The following CHD4 variants were observed in gnomAD, a reference collection of about 807,000 sequenced individuals.
The protein encoded by CHD4 is chromodomain helicase DNA binding protein 4, also known as ATP-dependent chromatin remodeler CHD4.
A neutral mutation model predicts 235.5 loss-of-function variants in CHD4; 35 were observed. The ratio of observed to expected loss-of-function variants is 0.15; its 90% CI spans 0.11 to 0.20. The LOEUF (loss-of-function observed/expected upper bound fraction) is 0.20. Ranked by LOEUF, CHD4 falls within the 10% of genes least tolerant of loss-of-function variation. The probability of loss-of-function intolerance (pLI) is 1.00; values close to 1 mark genes in which losing one functional copy is unlikely to be tolerated. For synonymous variants in CHD4, 900 were observed against 850.2 expected, an observed-to-expected ratio of 1.06 and a Z score of -1.02; for missense variants, 1,329 against 2,432.3, an observed-to-expected ratio of 0.55 and a Z score of 9.54.
intron 10 of CHD4, among the ~76,000 whole-genome samples, chr12:6,599,151 G>A (rs1276826696): frequency 2.0e-5 from 3 of 152,168 alleles, no homozygotes; most frequent in African/African-American, 7.2e-5. Context: ...ATTCTAAACT[G>A]GCTGGCATGG....
At position 6,591,453 on chromosome 12, in the gene CHD4, C is replaced by A; in HGVS notation, c.3340+13G>T. The A allele has an allele frequency of 6.2e-7, 1 of 1,604,148 alleles. No homozygotes were observed. Among genetic ancestry groups the A allele is most frequent in the Non-Finnish European group, 8.5e-7 (1 of 1,172,266 alleles). On this transcript the variant is annotated intron_variant, in intron 22 of 39. Coordinates refer to ENST00000544040, the MANE Select transcript of CHD4 (RefSeq NM_001273.5). ...TGAGGATTCCTGAAACTAAACAACT[C>A]CTTCTCTCTCACCATTGAAGCGGTC...
At position 6,592,784 on chromosome 12, in the gene CHD4, G is replaced by A. The variant is rs1291678650; in HGVS notation, c.2686C>T (p.His896Tyr). 4 of 1,613,662 alleles carry A rather than the reference G, an allele frequency of 2.5e-6. No homozygotes were observed. The African/African-American group carries it at 5.3e-5, about 22-fold the overall frequency. ...GGTGTCCCAGTCAGCAACAGCTTGT[G>A]CTGGAGTGAGTAACCATTCAATACC... ...FRVLNGYSLQ[H>Y]KLLLTGTPLQ... is the part of the protein sequence containing the mutation. The change falls in exon 18 of 40, where the codon CAC becomes TAC. Residue 896 changes from histidine to tyrosine, a missense_variant. Around this residue, in one of 26 missense-constraint regions of CHD4, gnomAD observed 78 missense variants for 174.8 expected, o/e 0.45. Coordinates refer to ENST00000544040, the MANE Select transcript of CHD4 (RefSeq NM_001273.5).
At position 6,578,922 on chromosome 12, in the gene CHD4, G is replaced by A. The variant is rs971165858; in HGVS notation, c.4910-5C>T. On this transcript the variant is annotated splice_polypyrimidine_tract_variant and splice_region_variant and intron_variant, in intron 33 of 39. Transcript: ENST00000544040. The stretch of plus-strand genomic sequence containing the variant: ...CCTTCTCTACATCAGCAGCACCTAG[G>A]GGAAGAAATGTTATTGAGACTATAC... 2 of 1,613,556 alleles carry A rather than the reference G, an allele frequency of 1.2e-6. No individual in the cohort carries two copies. Among genetic ancestry groups the A allele is most frequent in the African/African-American group, 1.3e-5 (1 of 74,998 alleles).
In CHD4 at chr12:6,594,450, T is replaced by A; in HGVS notation, c.2313+9A>T. ...CACACAAAAAACTATCCACCCCAGA[T>A]TTCCTTACCTCCTTGTAAAGGGAAT... On this transcript the variant is annotated intron_variant, in intron 15 of 39. Transcript: ENST00000544040. The A allele has an allele frequency of 6.3e-7, 1 of 1,596,556 alleles. No homozygotes were observed. Among genetic ancestry groups the A allele is most frequent in the East Asian group, 2.2e-5 (1 of 44,612 alleles).
chr12:6,595,788 CAAA>C (rs141382153), intron 13 of CHD4, among the ~76,000 whole-genome samples: 4 of 82,510 alleles, frequency 4.8e-5, no homozygotes, highest in Admixed American at 1.5e-4. Context: ...GACTTCGTCT[CAAA>C]AAAAAAAAAA....
chr12:6,583,164 C>G, intron 26 of CHD4, 34 bp downstream of exon 26: 1 of 1,612,360 alleles, frequency 6.2e-7, no homozygotes, highest in Non-Finnish European at 8.5e-7. Context: ...AGTGGAACGG[C>G]CCATGGGTGG....
chr12:6,579,913 G>A (rs1246234388), intron 33 of CHD4, among the ~76,000 whole-genome samples: 2 of 150,472 alleles, frequency 1.3e-5, no homozygotes, highest in South Asian at 2.1e-4. Context: ...AAAATTAGCC[G>A]GGCATGGTGG....
chr12:6,603,566 C>T (rs886724823), intron 2 of CHD4, among the ~76,000 whole-genome samples: 5 of 57,820 alleles, frequency 8.6e-5, no homozygotes, highest in Non-Finnish European at 1.8e-4. Flanking sequence ...GGTGGGGTGG[C>T]GGGGGGGGAG....
intron 1 of CHD4, 87 bp from the exon 2 acceptor site, chr12:6,606,538 C>A (rs1427405870): frequency 5.9e-6 from 3 of 507,182 alleles, no homozygotes; most frequent in Non-Finnish European, 6.9e-6. Flanking sequence ...TTCCGCCCCC[C>A]ACCCCAGCCA....
chr12:6,572,969 C>T (rs1244060259), intron 38 of CHD4, 105 bp downstream of exon 38: 1 of 1,175,036 alleles, frequency 8.5e-7, no homozygotes. Flanking sequence ...CTCCTAAACT[C>T]CCAGACAAAG....
chr12:6,574,081 C>T (rs1229813465), intron 37 of CHD4, among the ~76,000 whole-genome samples: 4 of 152,110 alleles, frequency 2.6e-5, no homozygotes, highest in Admixed American at 2.6e-4. Flanking sequence ...CCTCTTATCG[C>T]CATCTCACTC....
chr12:6,575,809 C>T (rs1010598706), intron 37 of CHD4, among the ~76,000 whole-genome samples: 1 of 152,182 alleles, frequency 6.6e-6, no homozygotes, highest in Admixed American at 6.5e-5. Flanking sequence ...TCGTTCCAAC[C>T]TACCTCCCAC....
intron 2 of CHD4, among the ~76,000 whole-genome samples, chr12:6,603,679 C>G (rs1328635290): frequency 6.6e-6 from 1 of 152,076 alleles, no homozygotes; most frequent in Non-Finnish European, 1.5e-5. Context: ...ACATCCTAAG[C>G]AAGGAAACCC....
Position 6,591,546 on chromosome 12 carries a change from T to G in CHD4, c.3260A>C (p.Glu1087Ala). Residue 1087 changes from glutamate (E) to alanine (A), a missense_variant, in exon 22 of 40, where the codon GAA (glutamate) becomes GCA (alanine). Coordinates refer to ENST00000544040, the MANE Select transcript of CHD4 (RefSeq NM_001273.5). ...GCGTTCGTATTTATAACCTTCATGT[T>G]CCAAGAAATCCTCTAGCAGGTCTAG... The part of the protein sequence containing the change: ...KMLDLLEDFL[E>A]HEGYKYERID... 1 of 1,614,246 alleles carries G rather than the reference T, an allele frequency of 6.2e-7. No individual in the cohort carries two copies. Among genetic ancestry groups the G allele is most frequent in the Non-Finnish European group, 8.5e-7 (1 of 1,180,032 alleles).
In CHD4 at chr12:6,580,709, A is replaced by AAAAAAAAAAAAAC. The variant is rs1432267451; in HGVS notation, c.4909+334_4909+335insGTTTTTTTTTTTT. The AAAAAAAAAAAAAC allele has an allele frequency of 2.3e-4, 48 of 209,446 alleles. 1 individual carries two copies. Among genetic ancestry groups the AAAAAAAAAAAAAC allele is most frequent in the Non-Finnish European group, 3.9e-4 (43 of 110,308 alleles). The allele number at this position is 209,446 out of a possible 1,614,324, so 13.0% of individuals were successfully genotyped here. ...GCAACGAGTAAAACTCCTTTGAAAA[A>AAAAAAAAAAAAAC]AAAAAAAAAAAAAAAAAAGCCAGGC... On this transcript the variant is annotated intron_variant, in intron 33 of 39. Coordinates refer to ENST00000544040, the MANE Select transcript of CHD4 (RefSeq NM_001273.5).
chr12:6,582,605 C>T lies in CHD4; in HGVS notation c.4370+10G>A, dbSNP rs769545666. On this transcript the variant is annotated intron_variant, in intron 29 of 39. Transcript: ENST00000544040. ...TGCTCTAGATCAGTCCACTCCAGCC[C>T]TCAACTCACTTGAACTCTTTCTCTG... is the stretch of plus-strand genomic sequence containing the variant. 12 of 1,605,694 alleles carry T rather than the reference C, an allele frequency of 7.5e-6. No homozygotes were observed. The South Asian group carries it at 1.3e-4, about 18-fold the overall frequency.
At chr12:6,580,917 G>C in intron 33 of CHD4, 127 bp downstream of exon 33, 2 of 986,838 alleles carry the variant, frequency 2.0e-6, no homozygotes, top group South Asian at 3.1e-5. Flanking sequence ...TGAGGCAGGA[G>C]AATCGCTCGA....
chr12:6,600,749 A>C, intron 7 of CHD4, 80 bp from the exon 8 acceptor site: 2 of 1,543,556 alleles, frequency 1.3e-6, no homozygotes, highest in Non-Finnish European at 1.8e-6. Flanking sequence ...GTACTCTCTC[A>C]CTGGGGACAC....
At chr12:6,601,137 ACATT>A in intron 6 of CHD4, 84 bp from the exon 7 acceptor site, 1 of 1,524,948 alleles carries the variant, frequency 6.6e-7, no homozygotes, top group South Asian at 1.3e-5. Flanking sequence ...TTGCTTCCCC[ACATT>A]CAGATTCCCA....
Sources: allele counts gnomAD v4.1 joint callset (sites outside exome capture counted in the v4.1 genomes callset), GRCh38; gene constraint gnomAD v4.1.1; regional missense constraint gnomAD v4.1.1; transcripts MANE v1.5; gene names NCBI Gene and HGNC (gene_info 2026-07-23, HGNC 2026-07-21).